PCDH15: variants seen among roughly 807,000 people sequenced by gnomAD.
PCDH15 encodes protocadherin related 15.
Under a neutral mutation model 178.5 loss-of-function variants are expected in PCDH15, and 129 were observed. That is an observed-to-expected ratio of 0.72 (90% CI 0.63 to 0.84). The LOEUF is 0.84. PCDH15 is among the 40% of genes least tolerant of loss of function. The probability of loss-of-function intolerance (pLI) is 0.00; values close to 1 mark genes in which losing one functional copy is unlikely to be tolerated. For synonymous variants in PCDH15, 800 were observed against 732.0 expected, an observed-to-expected ratio of 1.09 and a Z score of -1.50; for missense variants, 2,230 against 2,099.9, an observed-to-expected ratio of 1.06 and a Z score of -1.21.
At chr10:54,662,972 G>T (rs540570712) in intron 2 of PCDH15, among the ~76,000 whole-genome samples, 103 of 152,008 alleles carry the variant, frequency 6.8e-4, no homozygotes, top group African/African-American at 2.4e-3. Flanking sequence ...AAATATCAAA[G>T]ATGTGAAGTT....
At chr10:54,568,168 T>C (rs2089305373) in intron 2 of PCDH15, among the ~76,000 whole-genome samples, 2 of 152,068 alleles carry the variant, frequency 1.3e-5, no homozygotes, top group African/African-American at 4.8e-5. Context: ...TTTGCTGTAA[T>C]TAAACATGAT....
intron 2 of PCDH15, among the ~76,000 whole-genome samples, chr10:55,058,701 A>AGGT (rs1462059019): frequency 2.6e-5 from 4 of 152,120 alleles, no homozygotes; most frequent in African/African-American, 9.7e-5. Context: ...CATATTTGGC[A>AGGT]GGTCTGAAAA....
chr10:55,559,342 C>T (rs1842148861), intron 2 of PCDH15, among the ~76,000 whole-genome samples: 1 of 151,940 alleles, frequency 6.6e-6, no homozygotes, highest in Non-Finnish European at 1.5e-5. Context: ...ACTTTTGTTA[C>T]ATTAATATAA....
In PCDH15 at chr10:55,454,037, T is replaced by C. The variant is rs528249596; in HGVS notation, c.-156+173588A>G. On this transcript the variant is annotated intron_variant, in intron 2 of 5. Coordinates refer to the PCDH15 transcript ENST00000613346. Reference sequence around the variant, plus strand: ...GAAGAGAAATTTTTGTCTTATTCTATAAAATAATTCAAAGAATTTTAAAGA... The same window carrying C: ...GAAGAGAAATTTTTGTCTTATTCTACAAAATAATTCAAAGAATTTTAAAGA... Among the ~76,000 whole-genome samples the C allele has an allele frequency of 9.2e-5, 14 of 152,220 alleles. No individual in the cohort carries two copies. The South Asian group carries it at 1.2e-3, about 14-fold the overall frequency.
intron 2 of PCDH15, among the ~76,000 whole-genome samples, chr10:55,431,789 A>G (rs1211240150): frequency 6.6e-6 from 1 of 151,976 alleles, no homozygotes; most frequent in Non-Finnish European, 1.5e-5. Context: ...TAAATTTGAA[A>G]CCCAAATGTC....
At chr10:54,322,275 T>C (rs2061658560) in intron 7 of PCDH15, among the ~76,000 whole-genome samples, 1 of 151,916 alleles carries the variant, frequency 6.6e-6, no homozygotes, top group Admixed American at 6.6e-5. Flanking sequence ...CGTTATGTGA[T>C]AATCTAATAT....
intron 5 of PCDH15, among the ~76,000 whole-genome samples, chr10:54,358,035 A>AC (rs1202403500): frequency 6.7e-6 from 1 of 149,360 alleles, no homozygotes; most frequent in African/African-American, 2.6e-5. Context: ...AAAGACTTAA[A>AC]CATTAGACCT....
intron 18 of PCDH15, among the ~76,000 whole-genome samples, chr10:54,062,257 AAACAAC>A (rs2094043147): frequency 9.3e-6 from 1 of 107,522 alleles, no homozygotes; most frequent in Non-Finnish European, 2.0e-5. Flanking sequence ...AAAAAACAAA[AAACAAC>A]TAAATGAAAA....
intron 2 of PCDH15, among the ~76,000 whole-genome samples, chr10:54,571,332 T>C (rs2089803835): frequency 6.8e-5 from 1 of 14,808 alleles, no homozygotes; most frequent in Non-Finnish European, 1.4e-4. Context: ...AGACAAAATT[T>C]GAAAAAAAAA....
At chr10:54,138,291 A>G (rs2043070290) in intron 14 of PCDH15, among the ~76,000 whole-genome samples, 1 of 151,800 alleles carries the variant, frequency 6.6e-6, no homozygotes, top group African/African-American at 2.4e-5. Flanking sequence ...GTGGGACTAG[A>G]CAGTGGGATT....
chr10:54,786,682 G>A lies in PCDH15; in HGVS notation c.-29+14243C>T, dbSNP rs144004958. 3.3e-3 allele frequency among the ~76,000 whole-genome samples: 495 copies of A among 151,938 alleles called. 1 individual carries two copies. The highest frequency in any genetic ancestry group is 0.012 in the African/African-American group (480 of 41,494). On this transcript the variant is annotated intron_variant, in intron 1 of 37. Coordinates refer to ENST00000644397, the MANE Select transcript of PCDH15 (RefSeq NM_001384140.1). Reference sequence around the variant, plus strand: ...AATGAAGGGTATGCTTTGTGGAATAGGATTTTATAGATCTTTGAATTTATG... The same window carrying A: ...AATGAAGGGTATGCTTTGTGGAATAAGATTTTATAGATCTTTGAATTTATG...
intron 3 of PCDH15, among the ~76,000 whole-genome samples, chr10:54,442,414 C>CTTTTTA (rs1491511066): frequency 1.3e-3 from 24 of 19,190 alleles, no homozygotes; most frequent in African/African-American, 4.5e-3. Context: ...GCCTTAAAGG[C>CTTTTTA]TATATATATA....
rs189974886 is a variant in PCDH15 at position 54,312,320 on chromosome 10, A to T, written c.876+4951T>A. 1.5e-3 allele frequency among the ~76,000 whole-genome samples: 225 copies of T among 152,268 alleles called. 2 individuals are homozygous for T. Among genetic ancestry groups the T allele is most frequent in the Non-Finnish European group, 2.2e-3 (152 of 68,016 alleles). ...GAATGGATTCAAAATAACAATATAC[A>T]TAACAATGTACATAAAAACCTGATG... is the stretch of plus-strand genomic sequence containing the variant. On this transcript the variant is annotated intron_variant, in intron 8 of 37. Coordinates refer to ENST00000644397, the MANE Select transcript of PCDH15 (RefSeq NM_001384140.1).
chr10:55,158,734 A>T (rs546251658), intron 2 of PCDH15, among the ~76,000 whole-genome samples: 1 of 152,040 alleles, frequency 6.6e-6, no homozygotes, highest in East Asian at 1.9e-4. Context: ...AAAGAAAAAA[A>T]CAAACTGAGT....
At chr10:55,538,102 T>C (rs767978514) in intron 2 of PCDH15, among the ~76,000 whole-genome samples, 1 of 152,184 alleles carries the variant, frequency 6.6e-6, no homozygotes, top group Non-Finnish European at 1.5e-5. Flanking sequence ...TCTAAAGAGC[T>C]GCACAGTTCA....
intron 2 of PCDH15, among the ~76,000 whole-genome samples, chr10:55,072,758 A>G (rs1048105377): frequency 9.2e-5 from 14 of 152,044 alleles, no homozygotes; most frequent in African/African-American, 1.4e-4. Flanking sequence ...TGAGGCCAGC[A>G]TCATCCTGAT....
chr10:55,544,566 C>A (rs1278222675), intron 2 of PCDH15, among the ~76,000 whole-genome samples: 4 of 151,824 alleles, frequency 2.6e-5, no homozygotes, highest in Non-Finnish European at 5.9e-5. Context: ...TTATTTTTTC[C>A]TTACTGTTAG....
chr10:54,047,062 AG>A (rs2093670795), intron 18 of PCDH15, among the ~76,000 whole-genome samples: 1 of 152,184 alleles, frequency 6.6e-6, no homozygotes, highest in African/African-American at 2.4e-5. Context: ...CTCATAAATA[AG>A]TAATGTAGCA....
At chr10:54,171,114 G>C (rs1416091641) in intron 13 of PCDH15, among the ~76,000 whole-genome samples, 12 of 152,130 alleles carry the variant, frequency 7.9e-5, no homozygotes, top group East Asian at 1.9e-4. Context: ...CCTTCTGTCA[G>C]ACATAATTCC....
Sources: allele counts gnomAD v4.1 joint callset (sites outside exome capture counted in the v4.1 genomes callset), GRCh38; gene constraint gnomAD v4.1.1; transcripts MANE v1.5; gene names NCBI Gene and HGNC (gene_info 2026-07-23, HGNC 2026-07-21).